The following TEX2 variants were observed in gnomAD, a reference collection of about 807,000 sequenced individuals.
TEX2 encodes testis expressed 2, also known as testis-expressed protein 2.
Under a neutral mutation model 106.9 loss-of-function variants are expected in TEX2, and 53 were observed. That is an observed-to-expected ratio of 0.50 (90% CI 0.40 to 0.62). The LOEUF is 0.62. Among genes scored for constraint, TEX2 ranks in the 20% least tolerant of loss-of-function variants. The pLI is 0.00. For missense variants in TEX2, 1,207 were observed against 1,379.0 expected (o/e 0.88, Z 1.98); for synonymous variants, 523 against 534.8 (o/e 0.98, Z 0.30).
chr17:64,208,240 T>C (rs2032896724), intron 2 of TEX2, among the ~76,000 whole-genome samples: 1 of 151,396 alleles, frequency 6.6e-6, no homozygotes, highest in African/African-American at 2.4e-5. Context: ...TTGTTTTTGT[T>C]TTTGTTTTGT....
chr17:64,204,879 G>T (rs1567939470), intron 2 of TEX2, among the ~76,000 whole-genome samples: 1 of 152,176 alleles, frequency 6.6e-6, no homozygotes, highest in Non-Finnish European at 1.5e-5. Flanking sequence ...ATAAGTTAAT[G>T]AATTGAGTGA....
At chr17:64,166,921 T>C (rs1338388848) in intron 7 of TEX2, among the ~76,000 whole-genome samples, 1 of 151,926 alleles carries the variant, frequency 6.6e-6, no homozygotes, top group African/African-American at 2.4e-5. Context: ...CATACACAGG[T>C]TTCTGGACCT....
At chr17:64,244,945 T>C (rs2033959722) in intron 1 of TEX2, among the ~76,000 whole-genome samples, 2 of 152,162 alleles carry the variant, frequency 1.3e-5, no homozygotes, top group African/African-American at 4.8e-5. Flanking sequence ...AAATCTCACT[T>C]TCATTCCAAC....
intron 10 of TEX2, among the ~76,000 whole-genome samples, chr17:64,152,332 G>A (rs967614606): frequency 2.0e-5 from 3 of 152,096 alleles, no homozygotes; most frequent in East Asian, 1.9e-4. Flanking sequence ...CCTGAAATCC[G>A]GGGGGATGGG....
At position 64,213,881 on chromosome 17, in the gene TEX2, T is replaced by C. The variant is rs781872151; in HGVS notation, c.337A>G (p.Thr113Ala). 1.9e-6 allele frequency: 3 copies of C among 1,614,130 alleles called. No individual in the cohort carries two copies. The highest frequency in any genetic ancestry group is 1.1e-5 in the South Asian group (1 of 91,078). ...APAILPVSKN[T>A]VKLLESPVPA... Reference sequence around the variant, plus strand: ...ACAGGGGACTCCAACAGCTTTACAGTGTTCTTGGAGACGGGCAAAATGGCA... The same window carrying C: ...ACAGGGGACTCCAACAGCTTTACAGCGTTCTTGGAGACGGGCAAAATGGCA... The change falls in exon 2 of 12, where the codon ACT becomes GCT. Residue 113 changes from threonine to alanine, a missense_variant. Physicochemically the swap from Thr to Ala is moderately conservative, Grantham distance 58. Around this residue, in one of 3 missense-constraint regions of TEX2, gnomAD observed 1,067 missense variants for 1,193.6 expected, o/e 0.89. Transcript: ENST00000584379. The surrounding 1 kb of genome is among the most constrained non-coding windows in gnomAD (Gnocchi z 4.4).
chr17:64,252,976 G>A (rs1176988490), intron 1 of TEX2, among the ~76,000 whole-genome samples: 1 of 152,076 alleles, frequency 6.6e-6, no homozygotes, highest in East Asian at 1.9e-4. Context: ...GGTGGCCAGT[G>A]TGCCTGGAAT....
At chr17:64,211,586 A>G (rs1296935549) in intron 2 of TEX2, among the ~76,000 whole-genome samples, 2 of 152,348 alleles carry the variant, frequency 1.3e-5, no homozygotes, top group Middle Eastern at 3.4e-3. Context: ...GTTAGGTATT[A>G]TAAGTAATCT....
chr17:64,160,229 C>A (rs894526039), intron 8 of TEX2, among the ~76,000 whole-genome samples: 2 of 152,170 alleles, frequency 1.3e-5, no homozygotes, highest in African/African-American at 2.4e-5. Context: ...AGTTACCTCA[C>A]AATTTTGGAA....
intron 1 of TEX2, among the ~76,000 whole-genome samples, chr17:64,247,137 G>A (rs1285682182): frequency 1.3e-5 from 2 of 151,884 alleles, no homozygotes; most frequent in African/African-American, 4.8e-5. Context: ...AATTAGCTGG[G>A]CGTGGTGGCA....
At position 64,252,948 on chromosome 17, in the gene TEX2, T is replaced by C. The variant is rs189977508; in HGVS notation, c.-26+10220A>G. On this transcript the variant is annotated intron_variant, in intron 1 of 11. Coordinates refer to ENST00000584379, the MANE Select transcript of TEX2 (RefSeq NM_001288732.2). ...CAGCTCCTAAAAAGTCTAGCTCCCT[T>C]CCAACTGGGAAGAGAAAGGTGGCCA... is the stretch of plus-strand genomic sequence containing the variant. Among the ~76,000 whole-genome samples the C allele has an allele frequency of 2.0e-5, 3 of 152,066 alleles. No individual in the cohort carries two copies. In the East Asian group the frequency reaches 5.8e-4, roughly 29 times the overall value.
chr17:64,244,314 T>TAAC (rs36065052), intron 1 of TEX2, among the ~76,000 whole-genome samples: 4,814 of 152,256 alleles, frequency 0.032, 126 homozygotes, highest in South Asian at 0.1. Flanking sequence ...TTGGAATGCC[T>TAAC]AACCCGCTGG....
chr17:64,242,774 CT>C (rs1315666387), intron 1 of TEX2, among the ~76,000 whole-genome samples: 8 of 152,102 alleles, frequency 5.3e-5, no homozygotes, highest in African/African-American at 1.9e-4. Context: ...CACGCAATGC[CT>C]CCTTCATAAC....
chr17:64,224,824 T>G (rs1175419542), intron 1 of TEX2, among the ~76,000 whole-genome samples: 1 of 151,966 alleles, frequency 6.6e-6, no homozygotes, highest in Non-Finnish European at 1.5e-5. Flanking sequence ...GCTTTATAGA[T>G]TGCTAGATGG....
intron 8 of TEX2, chr17:64,155,169 C>A: frequency 2.0e-6 from 1 of 504,412 alleles, no homozygotes; most frequent in African/African-American, 2.0e-5. Flanking sequence ...ATGCTCAGGA[C>A]ACTCTTCAGC....
At chr17:64,180,177 A>G (rs149828588) in intron 5 of TEX2, among the ~76,000 whole-genome samples, 160 of 152,316 alleles carry the variant, frequency 1.1e-3, no homozygotes, top group Non-Finnish European at 1.7e-3. Context: ...CTGCCCACGT[A>G]AGACACCACG....
intron 1 of TEX2, among the ~76,000 whole-genome samples, chr17:64,229,597 C>T (rs2033606715): frequency 6.6e-6 from 1 of 151,982 alleles, no homozygotes; most frequent in Admixed American, 6.6e-5. Flanking sequence ...CCTGATGAAG[C>T]CTTCCCATTC....
rs770723288 is a variant in TEX2, at chr17:64,153,077, G to A, written c.3008C>T (p.Ala1003Val). 6.2e-7 allele frequency: 1 copy of A among 1,614,028 alleles called. No homozygotes were observed. The highest frequency in any genetic ancestry group is 8.5e-7 in the Non-Finnish European group (1 of 1,179,914). Residue 1003 changes from alanine (A) to valine (V), a missense_variant, in exon 10 of 12, where the codon GCA (alanine) becomes GTA (valine). Ala to Val is a moderately conservative substitution (Grantham distance 64). Coordinates refer to ENST00000584379, the MANE Select transcript of TEX2 (RefSeq NM_001288732.2). The surrounding 1 kb of genome is among the most constrained non-coding windows in gnomAD (Gnocchi z 4.1). The part of the protein sequence containing the change: ...KITKSKYFQK[A>V]TETEFIKKKI... ...CTTTTTAATAAACTCTGTCTCTGTTGCTTTTTGGAAATATTTTGACTTGGT... is the reference window on the plus strand; with the variant it reads ...CTTTTTAATAAACTCTGTCTCTGTTACTTTTTGGAAATATTTTGACTTGGT...
rs782598628 is a variant in TEX2, at chr17:64,213,692, T to C, written c.526A>G (p.Ser176Gly). Residue 176 changes from serine (S) to glycine (G), a missense_variant, in exon 2 of 12, where the codon AGT (serine) becomes GGT (glycine). Physicochemically the swap from Ser to Gly is moderately conservative, Grantham distance 56 (BLOSUM62 0). Transcript: ENST00000584379. This position sits in a 1 kb window ranked among gnomAD's most constrained non-coding sequence, Gnocchi z 4.4. Reference sequence around the variant, plus strand: ...CTGGAAAGGGTGGAGGTTGAGGCACTGGATGAGAGGATGGGAGACTTAGAA... The same window carrying C: ...CTGGAAAGGGTGGAGGTTGAGGCACCGGATGAGAGGATGGGAGACTTAGAA... Reference protein sequence around the residue: ...SPSKSPILSSSASTSTLSSAK... With the variant: ...SPSKSPILSSGASTSTLSSAK... 2.5e-6 allele frequency: 4 copies of C among 1,614,050 alleles called. No individual in the cohort carries two copies. In the South Asian group the frequency reaches 3.3e-5, roughly 13 times the overall value.
intron 2 of TEX2, among the ~76,000 whole-genome samples, chr17:64,206,490 G>T (rs142368490): frequency 6.6e-6 from 1 of 151,700 alleles, no homozygotes; most frequent in African/African-American, 2.4e-5. Context: ...AGCTTTGGAG[G>T]AGGTCCTAAG....
Sources: gnomAD v4.1 joint callset for allele counts (sites outside exome capture counted in the v4.1 genomes callset) on GRCh38, gnomAD v4.1.1 for gene constraint, gnomAD v4.1.1 regional missense constraint, Gnocchi (gnomAD v3.1) non-coding constraint, MANE v1.5 for transcripts, NCBI Gene and HGNC (gene_info 2026-07-23, HGNC 2026-07-21) for gene names.